The following ADGRA3 variants were observed in gnomAD, a reference collection of about 807,000 sequenced individuals.
ADGRA3 encodes the protein adhesion G protein-coupled receptor A3.
Under a neutral mutation model 119.8 loss-of-function variants are expected in ADGRA3, and 56 were observed. That is an observed-to-expected ratio of 0.47 (90% CI 0.38 to 0.58). The LOEUF is 0.58. ADGRA3 is among the 20% of genes least tolerant of loss of function. ADGRA3 has a pLI of 0.00. For missense variants in ADGRA3, 1,516 were observed against 1,649.0 expected, an observed-to-expected ratio of 0.92 and a Z score of 1.40; for synonymous variants, 607 against 623.8, an observed-to-expected ratio of 0.97 and a Z score of 0.40.
Position 22,494,681 on chromosome 4 carries a change from GTTCT to G in ADGRA3, c.258-20842_258-20839del, listed in dbSNP as rs150298865. The stretch of plus-strand genomic sequence containing the variant: ...CTGAGTGGAGTTTTACATTTTTTTA[GTTCT>G]TTTTGTTAGAACACTAAAGTTATAC... On this transcript the variant is annotated intron_variant, in intron 1 of 18. Coordinates refer to ENST00000334304, the MANE Select transcript of ADGRA3 (RefSeq NM_145290.4). 3.1e-3 allele frequency among the ~76,000 whole-genome samples: 475 copies of G among 151,808 alleles called. 11 individuals are homozygous for G. Among genetic ancestry groups the G allele is most frequent in the African/African-American group, 0.011 (450 of 41,260 alleles).
intron 12 of ADGRA3, chr4:22,414,734 C>G (rs1715363438): frequency 1.7e-6 from 1 of 585,484 alleles, no homozygotes; most frequent in South Asian, 2.2e-5. Context: ...AGATGTATCC[C>G]CTGAATGCTC....
rs567181983 is a variant in ADGRA3 at position 22,487,246 on chromosome 4, A to C, written c.258-13403T>G. Among the ~76,000 whole-genome samples the C allele has an allele frequency of 5.9e-5, 9 of 152,366 alleles. No individual in the cohort carries two copies. In the East Asian group the frequency reaches 1.3e-3, roughly 23 times the overall value. ...TGAGCAAAATTTAAATTGAGACAAT[A>C]TATTCTAAATCAGAGGTCCTCAACC... is the stretch of plus-strand genomic sequence containing the variant. On this transcript the variant is annotated intron_variant, in intron 1 of 18. Transcript: ENST00000334304.
rs138427788 is a variant in ADGRA3, at chr4:22,429,654, A to G, written c.1444-5302T>C. On this transcript the variant is annotated intron_variant, in intron 10 of 18. Transcript: ENST00000334304. ...GCAAGAGGTAGAAGGAGGTTAAAAA[A>G]AAAAAATTATTCTCTGACAATTTGG... Among the ~76,000 whole-genome samples, 351 of 152,286 alleles carry G rather than the reference A, an allele frequency of 2.3e-3. 1 individual carries two copies. The highest frequency in any genetic ancestry group is 7.9e-3 in the African/African-American group (328 of 41,562).
intron 3 of ADGRA3, among the ~76,000 whole-genome samples, chr4:22,458,616 G>C (rs958473327): frequency 6.6e-6 from 1 of 152,100 alleles, no homozygotes; most frequent in East Asian, 1.9e-4. Context: ...AACTGACACC[G>C]ATCACCACCT....
At chr4:22,394,094 C>T (rs1302584669) in intron 16 of ADGRA3, 3 of 151,802 alleles carry the variant, frequency 2.0e-5, no homozygotes, top group Non-Finnish European at 4.4e-5. Flanking sequence ...CAGTAACTTG[C>T]TTTTTTTTAA....
At chr4:22,422,350 G>A (rs1430853055) in intron 11 of ADGRA3, among the ~76,000 whole-genome samples, 1 of 152,136 alleles carries the variant, frequency 6.6e-6, no homozygotes, top group Non-Finnish European at 1.5e-5. Flanking sequence ...AATTTGGCAA[G>A]TCTTATGCAT....
At position 22,402,661 on chromosome 4, in the gene ADGRA3, G is replaced by C. The variant is rs1301073746; in HGVS notation, c.2357+14C>G. 1 of 1,607,038 alleles carries C rather than the reference G, an allele frequency of 6.2e-7. No homozygotes were observed. Among genetic ancestry groups the C allele is most frequent in the African/African-American group, 1.3e-5 (1 of 74,562 alleles). ...AAAGTCCGCAGATCTATTTTGTCGA[G>C]ATGTATTTCTTACCTGTGATGGTAT... On this transcript the variant is annotated intron_variant, in intron 15 of 18. Coordinates refer to ENST00000334304, the MANE Select transcript of ADGRA3 (RefSeq NM_145290.4).
intron 11 of ADGRA3, among the ~76,000 whole-genome samples, chr4:22,421,881 C>CCAAAAAAA (rs767609157): frequency 4.3e-5 from 3 of 70,426 alleles, no homozygotes; most frequent in African/African-American, 1.9e-4. Flanking sequence ...ACTCAGTCTC[C>CCAAAAAAA]AAAAAAAAAA....
chr4:22,494,554 G>A (rs947475858), intron 1 of ADGRA3, among the ~76,000 whole-genome samples: 1 of 151,890 alleles, frequency 6.6e-6, no homozygotes, highest in East Asian at 1.9e-4. Context: ...CCTCTTTCCT[G>A]TAACAATTTG....
At chr4:22,478,523 G>T (rs1285711739) in intron 1 of ADGRA3, among the ~76,000 whole-genome samples, 1 of 152,190 alleles carries the variant, frequency 6.6e-6, no homozygotes, top group Non-Finnish European at 1.5e-5. Context: ...ATCAACCATT[G>T]TAGGGAAAAA....
intron 14 of ADGRA3, among the ~76,000 whole-genome samples, chr4:22,412,950 T>G (rs576154493): frequency 1.3e-5 from 2 of 152,192 alleles, no homozygotes; most frequent in South Asian, 4.2e-4. Context: ...AAAGTTGATT[T>G]AAAATTCCTA....
At chr4:22,432,382 C>T (rs937527529) in intron 10 of ADGRA3, among the ~76,000 whole-genome samples, 1 of 151,588 alleles carries the variant, frequency 6.6e-6, no homozygotes, top group Non-Finnish European at 1.5e-5. Context: ...CGAACAAAGT[C>T]CTAGAAAAGC....
At chr4:22,414,992 C>G (rs1411256615) in intron 12 of ADGRA3, among the ~76,000 whole-genome samples, 2 of 152,202 alleles carry the variant, frequency 1.3e-5, no homozygotes, top group East Asian at 3.9e-4. Flanking sequence ...AATTGCATCT[C>G]CTCAGTATAT....
At chr4:22,455,885 T>G in intron 3 of ADGRA3, 1 of 1,105,970 alleles carries the variant, frequency 9.0e-7, no homozygotes, top group South Asian at 1.3e-5. Flanking sequence ...ACAATGAATC[T>G]TAAGTTTTAT....
intron 6 of ADGRA3, 93 bp downstream of exon 6, chr4:22,444,857 ACTGGCTGCATACTAGTTCTGTCC>A: frequency 2.1e-6 from 2 of 967,490 alleles, no homozygotes; most frequent in Non-Finnish European, 3.1e-6. Context: ...CATAATGATT[ACTGGCTGCATACTAGTTCTGTCC>A]AAGTATAAAG....
chr4:22,431,833 T>A (rs2109054266), intron 10 of ADGRA3, among the ~76,000 whole-genome samples: 1 of 152,346 alleles, frequency 6.6e-6, no homozygotes, highest in East Asian at 1.9e-4. Context: ...TTTCAATGTT[T>A]AATATTAGAA....
At chr4:22,505,700 TAGCAG>T (rs1169440410) in intron 1 of ADGRA3, among the ~76,000 whole-genome samples, 22 of 151,896 alleles carry the variant, frequency 1.4e-4, no homozygotes, top group Non-Finnish European at 2.9e-4. Context: ...CCTGCTGTTT[TAGCAG>T]AGTATAACAA....
At chr4:22,454,959 T>C (rs757354557) in intron 3 of ADGRA3, 22 bp from the exon 4 acceptor site, 152 of 1,561,420 alleles carry the variant, frequency 9.7e-5, no homozygotes, top group Non-Finnish European at 1.3e-4. Context: ...GGTGGAAAAG[T>C]GTCTTCAATT....
intron 17 of ADGRA3, among the ~76,000 whole-genome samples, chr4:22,389,512 T>C (rs1219732827): frequency 6.6e-6 from 1 of 152,052 alleles, no homozygotes; most frequent in East Asian, 1.9e-4. Flanking sequence ...TTTTTTTTTT[T>C]TTTGTAGCAG....
Sources: allele counts gnomAD v4.1 joint callset (sites outside exome capture counted in the v4.1 genomes callset), GRCh38; gene constraint gnomAD v4.1.1; transcripts MANE v1.5; gene names NCBI Gene and HGNC (gene_info 2026-07-23, HGNC 2026-07-21).